ZFPM2: variants seen among roughly 807,000 people sequenced by gnomAD.
ZFPM2 encodes the protein zinc finger protein ZFPM2.
Under a neutral mutation model 98.6 loss-of-function variants are expected in ZFPM2, and 20 were observed. The observed-to-expected ratio is 0.20, with a 90% confidence interval of 0.14 to 0.29. ZFPM2 has a LOEUF of 0.29. Ranked by LOEUF, ZFPM2 falls within the 10% of genes least tolerant of loss-of-function variation. ZFPM2 has a pLI of 1.00. For missense variants in ZFPM2, 1,310 were observed against 1,388.6 expected (o/e 0.94, Z 0.90); for synonymous variants, 518 against 502.7 (o/e 1.03, Z -0.41).
At chr8:105,710,549 C>T (rs1186077202) in intron 5 of ZFPM2, among the ~76,000 whole-genome samples, 1 of 151,860 alleles carries the variant, frequency 6.6e-6, no homozygotes, top group Non-Finnish European at 1.5e-5. Flanking sequence ...GAGAGATATG[C>T]AATGAGAAAG....
At chr8:105,326,836 C>A (rs912437967) in intron 1 of ZFPM2, among the ~76,000 whole-genome samples, 1 of 148,936 alleles carries the variant, frequency 6.7e-6, no homozygotes, top group Non-Finnish European at 1.5e-5. Context: ...TTATCATAAA[C>A]AACTCATAAA....
chr8:105,489,902 A>C (rs1813324317), intron 3 of ZFPM2, among the ~76,000 whole-genome samples: 1 of 152,168 alleles, frequency 6.6e-6, no homozygotes, highest in South Asian at 2.1e-4. Flanking sequence ...GGGACTCACA[A>C]CTAATTACCT....
intron 5 of ZFPM2, among the ~76,000 whole-genome samples, chr8:105,699,633 A>C (rs1213772768): frequency 3.3e-5 from 5 of 152,170 alleles, no homozygotes; most frequent in Admixed American, 2.6e-4. Flanking sequence ...GAATAATGGC[A>C]ATGATTCCAC....
At chr8:105,510,358 G>A (rs1299265638) in intron 3 of ZFPM2, among the ~76,000 whole-genome samples, 5 of 150,478 alleles carry the variant, frequency 3.3e-5, no homozygotes, top group African/African-American at 4.9e-5. Flanking sequence ...GACTATGTTC[G>A]TCGGGCTACT....
intron 5 of ZFPM2, among the ~76,000 whole-genome samples, chr8:105,699,398 CTG>C (rs1811091868): frequency 1.3e-5 from 2 of 152,056 alleles, no homozygotes; most frequent in African/African-American, 4.8e-5. Context: ...TTTGGTCACT[CTG>C]ATTCTCTCTT....
At chr8:105,404,708 G>A (rs933577262) in intron 1 of ZFPM2, among the ~76,000 whole-genome samples, 1 of 151,934 alleles carries the variant, frequency 6.6e-6, no homozygotes, top group Non-Finnish European at 1.5e-5. Context: ...TTCACATATT[G>A]CCTTTCAAAA....
chr8:105,555,884 T>C (rs1216636480), intron 3 of ZFPM2, among the ~76,000 whole-genome samples: 1 of 152,008 alleles, frequency 6.6e-6, no homozygotes, highest in Non-Finnish European at 1.5e-5. Flanking sequence ...CAGAAAGTTA[T>C]GGGGGAGCTA....
At chr8:105,585,619 A>G (rs1288330562) in intron 4 of ZFPM2, among the ~76,000 whole-genome samples, 1 of 152,176 alleles carries the variant, frequency 6.6e-6, no homozygotes, top group Non-Finnish European at 1.5e-5. Context: ...CCTGGAGATT[A>G]TATTCTAGTG....
At chr8:105,686,259 T>C (rs1317780364) in intron 5 of ZFPM2, among the ~76,000 whole-genome samples, 2 of 152,138 alleles carry the variant, frequency 1.3e-5, no homozygotes, top group African/African-American at 4.8e-5. Flanking sequence ...CAGTTCCTAG[T>C]TCAGCTTGCC....
intron 5 of ZFPM2, among the ~76,000 whole-genome samples, chr8:105,755,897 G>C (rs1394530794): frequency 6.6e-6 from 1 of 152,080 alleles, no homozygotes; most frequent in East Asian, 1.9e-4. Flanking sequence ...ATATTGAATA[G>C]GTTTTAAACA....
intron 5 of ZFPM2, among the ~76,000 whole-genome samples, chr8:105,652,148 T>C (rs1817191688): frequency 6.6e-6 from 1 of 151,536 alleles, no homozygotes; most frequent in Non-Finnish European, 1.5e-5. Flanking sequence ...TGGTTCTTTT[T>C]GGACCCACTT....
intron 1 of ZFPM2, among the ~76,000 whole-genome samples, chr8:105,359,174 T>TA (rs1458406651): frequency 6.6e-6 from 1 of 151,996 alleles, no homozygotes; most frequent in African/African-American, 2.4e-5. Context: ...TGATAGATGG[T>TA]AGTTTTCCCC....
intron 4 of ZFPM2, among the ~76,000 whole-genome samples, chr8:105,606,537 T>C (rs1473932126): frequency 6.6e-6 from 1 of 152,016 alleles, no homozygotes; most frequent in Admixed American, 6.6e-5. Context: ...ATAGAACATA[T>C]AAATGCATGT....
chr8:105,445,537 G>A (rs182206547), intron 3 of ZFPM2, among the ~76,000 whole-genome samples: 33 of 151,376 alleles, frequency 2.2e-4, no homozygotes, highest in Admixed American at 9.9e-4. Flanking sequence ...AAAGATTTTC[G>A]GAACATCTAG....
At chr8:105,704,371 A>G (rs1811209396) in intron 5 of ZFPM2, among the ~76,000 whole-genome samples, 1 of 152,182 alleles carries the variant, frequency 6.6e-6, no homozygotes, top group Admixed American at 6.5e-5. Context: ...CTGAAATGTC[A>G]TGGCCTCTTC....
chr8:105,648,485 T>G (rs1035303990), intron 5 of ZFPM2, among the ~76,000 whole-genome samples: 11 of 152,206 alleles, frequency 7.2e-5, no homozygotes, highest in African/African-American at 2.7e-4. Context: ...TGCCTAGGTT[T>G]TCTTCTAGGT....
chr8:105,738,937 T>A (rs531833224), intron 5 of ZFPM2, among the ~76,000 whole-genome samples: 29 of 152,244 alleles, frequency 1.9e-4, no homozygotes, highest in African/African-American at 7.0e-4. Context: ...CCCTTAGGTC[T>A]TCATTCAGAA....
chr8:105,485,307 G>C (rs1813209026), intron 3 of ZFPM2, among the ~76,000 whole-genome samples: 1 of 151,358 alleles, frequency 6.6e-6, no homozygotes, highest in Non-Finnish European at 1.5e-5. Flanking sequence ...TTGTTTGTTT[G>C]TTTGTTTGTT....
chr8:105,464,912 C>T (rs182710326), intron 3 of ZFPM2, among the ~76,000 whole-genome samples: 53 of 148,122 alleles, frequency 3.6e-4, no homozygotes, highest in Non-Finnish European at 7.1e-4. Context: ...GATCTTAAAA[C>T]GGACTTTTTA....
Sources: allele counts gnomAD v4.1 joint callset (sites outside exome capture counted in the v4.1 genomes callset), GRCh38; gene constraint gnomAD v4.1.1; transcripts MANE v1.5; gene names NCBI Gene and HGNC (gene_info 2026-07-23, HGNC 2026-07-21).